HTT: variants seen among roughly 807,000 people sequenced by gnomAD.
The protein encoded by HTT is huntington disease protein.
HTT carries 104 observed loss-of-function variants against 362.3 expected under a neutral mutation model. The observed-to-expected ratio is 0.29, with a 90% confidence interval of 0.24 to 0.34. The LOEUF (loss-of-function observed/expected upper bound fraction) is 0.34. Among genes scored for constraint, HTT ranks in the 10% least tolerant of loss-of-function variants. The pLI is 1.00. For missense variants in HTT, 3,301 were observed against 3,928.6 expected (o/e 0.84, Z 4.27); for synonymous variants, 1,577 against 1,548.7 (o/e 1.02, Z -0.43).
Position 3,228,132 on chromosome 4 carries a change from G to A in HTT, c.7849-483G>A, listed in dbSNP as rs137993739. Reference sequence around the variant, plus strand: ...GTGCTCGAGGCTTCCCGAGAACCAGGCAGAAAGGAGGACAGTCGAGGTGTG... The same window carrying A: ...GTGCTCGAGGCTTCCCGAGAACCAGACAGAAAGGAGGACAGTCGAGGTGTG... On this transcript the variant is annotated intron_variant, in intron 57 of 66. Coordinates refer to ENST00000355072, the MANE Select transcript of HTT (RefSeq NM_001388492.1). The surrounding 1 kb of genome is among the most constrained non-coding windows in gnomAD (Gnocchi z 4.3). Among the ~76,000 whole-genome samples, 147 of 152,312 alleles carry A rather than the reference G, an allele frequency of 9.7e-4. No homozygotes were observed. The highest frequency in any genetic ancestry group is 3.4e-3 in the Middle Eastern group (1 of 294).
chr4:3,166,363 G>A (rs995430346), intron 29 of HTT, among the ~76,000 whole-genome samples: 1 of 152,212 alleles, frequency 6.6e-6, no homozygotes, highest in African/African-American at 2.4e-5. Flanking sequence ...TCCCAGTCAG[G>A]CTACATGGGG....
At chr4:3,212,907 T>A in intron 49 of HTT, 198 bp downstream of exon 49, 1 of 596,998 alleles carries the variant, frequency 1.7e-6, no homozygotes, top group Non-Finnish European at 2.9e-6. Flanking sequence ...CTCCTCATGG[T>A]GGCCTGTGAG....
chr4:3,205,677 ATTTAGGGAGCTC>A lies in HTT; in HGVS notation c.5719-818_5719-807del. Among the ~76,000 whole-genome samples, 5 of 152,308 alleles carry A rather than the reference ATTTAGGGAGCTC, an allele frequency of 3.3e-5. 1 individual carries two copies. The East Asian group carries it at 9.6e-4, about 29-fold the overall frequency. ...TCATTGGAAGGTTTCAGATTTTCGG[ATTTAGGGAGCTC>A]AACAAATAAGTATAATGCACATATT... On this transcript the variant is annotated intron_variant, in intron 42 of 66. Transcript: ENST00000355072.
At position 3,175,992 on chromosome 4, in the gene HTT, G is replaced by C. The variant is rs113072587; in HGVS notation, c.4407+885G>C. ...GATTTTCCACAGTGGGTATTGGGGT[G>C]GTATCTGCTTGTTTTTTTTGTTGTT... On this transcript the variant is annotated intron_variant, in intron 33 of 66. Coordinates refer to ENST00000355072, the MANE Select transcript of HTT (RefSeq NM_001388492.1). 5.2e-4 allele frequency among the ~76,000 whole-genome samples: 79 copies of C among 151,522 alleles called. 2 individuals are homozygous for C. Among genetic ancestry groups the C allele is most frequent in the African/African-American group, 1.8e-3 (76 of 41,230 alleles).
At chr4:3,098,185 T>G (rs1713961911) in intron 2 of HTT, among the ~76,000 whole-genome samples, 1 of 152,318 alleles carries the variant, frequency 6.6e-6, no homozygotes, top group Admixed American at 6.5e-5. Context: ...CTTTCCTCAG[T>G]TCGTTATTCA....
intron 1 of HTT, among the ~76,000 whole-genome samples, chr4:3,085,475 A>G (rs1055371147): frequency 1.3e-5 from 2 of 152,110 alleles, no homozygotes; most frequent in African/African-American, 4.8e-5. Flanking sequence ...GACTACATTT[A>G]CCAAAAGTGA....
rs1721763534 is a variant in HTT, at chr4:3,240,664, T to C, written c.*605T>C. ...AAGAGATTAATTTTAACGTAACTCT[T>C]TCTATGCCCGTGTAAAGTATGTGAA... On this transcript the variant is annotated 3_prime_UTR_variant, in exon 67 of 67. Transcript: ENST00000355072. The C allele has an allele frequency of 6.4e-6, 1 of 155,454 alleles. No individual in the cohort carries two copies. Among genetic ancestry groups the C allele is most frequent in the Admixed American group, 6.3e-5 (1 of 15,846 alleles). 9.6% of individuals were successfully genotyped at this position (155,454 alleles called of 1,614,324 possible). A position where few individuals can be genotyped will look rare whatever the true frequency, so the allele number is the denominator to read the frequency against.
At chr4:3,184,208 G>A (rs1028769513) in intron 37 of HTT, among the ~76,000 whole-genome samples, 7 of 152,032 alleles carry the variant, frequency 4.6e-5, no homozygotes, top group African/African-American at 1.7e-4. Context: ...TACAAGCCTA[G>A]GAGATACCTG....
At chr4:3,237,165 C>G (rs1029791432) in intron 64 of HTT, among the ~76,000 whole-genome samples, 1 of 151,026 alleles carries the variant, frequency 6.6e-6, no homozygotes, top group Non-Finnish European at 1.5e-5. Flanking sequence ...CCTCCGCCTC[C>G]CGGGTTCAAG....
chr4:3,208,942 A>G, intron 46 of HTT, 31 bp downstream of exon 46: 1 of 1,592,758 alleles, frequency 6.3e-7, no homozygotes, highest in East Asian at 2.2e-5. Flanking sequence ...CATGGGAGGC[A>G]CAGGGCGCTG....
chr4:3,077,502 C>T (rs906293277), intron 1 of HTT, among the ~76,000 whole-genome samples: 3 of 152,160 alleles, frequency 2.0e-5, no homozygotes, highest in Non-Finnish European at 4.4e-5. Flanking sequence ...TCACTGCAGT[C>T]TCTGCCTCCC....
intron 10 of HTT, 163 bp downstream of exon 10, chr4:3,123,099 C>G: frequency 2.1e-6 from 1 of 465,200 alleles, no homozygotes; most frequent in Non-Finnish European, 3.7e-6. Flanking sequence ...AATCTGATAA[C>G]CAGGCCTGAA....
At position 3,234,780 on chromosome 4, in the gene HTT, G is replaced by C. The variant is rs144268076; in HGVS notation, c.8457-504G>C. 3.8e-4 allele frequency among the ~76,000 whole-genome samples: 58 copies of C among 152,312 alleles called. No homozygotes were observed. The East Asian group carries it at 0.01, about 27-fold the overall frequency. On this transcript the variant is annotated intron_variant, in intron 61 of 66. Coordinates refer to ENST00000355072, the MANE Select transcript of HTT (RefSeq NM_001388492.1). The stretch of plus-strand genomic sequence containing the variant: ...GGCACGTTTTTGTGGGTGTTGGGGG[G>C]CATCGTATTGGCTCCTCTGTTCACA...
In HTT at chr4:3,090,264, C is replaced by T. The variant is rs143549583; in HGVS notation, c.347+3242C>T. On this transcript the variant is annotated intron_variant, in intron 2 of 66. Coordinates refer to ENST00000355072, the MANE Select transcript of HTT (RefSeq NM_001388492.1). ...TCTGCTTTAAGCTCTCTAAAGTGGT[C>T]TAAGTTACTGGTTCCTAAGTATGGA... is the stretch of plus-strand genomic sequence containing the variant. 4.9e-4 allele frequency among the ~76,000 whole-genome samples: 75 copies of T among 152,290 alleles called. 1 individual carries two copies. In the East Asian group the frequency reaches 0.014, roughly 29 times the overall value.
chr4:3,216,489 C>T lies in HTT; in HGVS notation c.7055-1276C>T, dbSNP rs139912459. ...ATCCCTCCATGTAAAGCACCTGGAA[C>T]GGATGACAGTCTTGTTATGAATACT... On this transcript the variant is annotated intron_variant, in intron 51 of 66. Coordinates refer to ENST00000355072, the MANE Select transcript of HTT (RefSeq NM_001388492.1). 1.5e-3 allele frequency among the ~76,000 whole-genome samples: 229 copies of T among 152,318 alleles called. 1 individual carries two copies. The highest frequency in any genetic ancestry group is 5.2e-3 in the African/African-American group (215 of 41,570).
Position 3,222,283 on chromosome 4 carries a change from G to A in HTT, c.7370-104G>A, listed in dbSNP as rs1178520899. On this transcript the variant is annotated intron_variant, in intron 53 of 66. Transcript: ENST00000355072. The stretch of plus-strand genomic sequence containing the variant: ...GTTTAAGGGACTCACTGCCCTTGGC[G>A]TGGAGCCTTCTCCAGGGGCCGTGCT... 4.9e-5 allele frequency: 42 copies of A among 850,486 alleles called. No individual in the cohort carries two copies. In the South Asian group the frequency reaches 5.4e-4, roughly 11 times the overall value. The allele number at this position is 850,486 out of a possible 1,614,324, so 52.7% of individuals were successfully genotyped here.
intron 49 of HTT, among the ~76,000 whole-genome samples, chr4:3,213,308 C>G (rs1277454277): frequency 6.6e-6 from 1 of 152,234 alleles, no homozygotes; most frequent in Non-Finnish European, 1.5e-5. Flanking sequence ...TTTGTGATCC[C>G]TGTCCTTCAG....
At chr4:3,127,993 C>T (rs1715604300) in intron 12 of HTT, among the ~76,000 whole-genome samples, 2 of 151,994 alleles carry the variant, frequency 1.3e-5, no homozygotes, top group African/African-American at 2.4e-5. Flanking sequence ...AGTGCAGTGG[C>T]TCGTTCTCAG....
chr4:3,161,540 A>C (rs1717446615), intron 29 of HTT, among the ~76,000 whole-genome samples: 1 of 152,184 alleles, frequency 6.6e-6, no homozygotes, highest in African/African-American at 2.4e-5. Flanking sequence ...TCCCACCAAC[A>C]GTGTAAAAGT....
Sources: gnomAD v4.1 joint callset for allele counts (sites outside exome capture counted in the v4.1 genomes callset) on GRCh38, gnomAD v4.1.1 for gene constraint, Gnocchi (gnomAD v3.1) non-coding constraint, MANE v1.5 for transcripts, NCBI Gene and HGNC (gene_info 2026-07-23, HGNC 2026-07-21) for gene names.